Variants in NTM observed in about 807,000 individuals in gnomAD.
NTM encodes the protein IgLON family member 2.
In NTM, 13 loss-of-function variants were observed where a neutral mutation model predicts 42.1. The ratio of observed to expected loss-of-function variants is 0.31; its 90% CI spans 0.20 to 0.49. The LOEUF is 0.49. Ranked by LOEUF, NTM falls within the 20% of genes least tolerant of loss-of-function variation. The pLI is 0.99. For missense variants in NTM, 373 were observed against 452.8 expected (o/e 0.82, Z 1.60); for synonymous variants, 187 against 179.2 (o/e 1.04, Z -0.35).
intron 1 of NTM, among the ~76,000 whole-genome samples, chr11:131,612,174 C>T (rs1396228010): frequency 2.0e-5 from 3 of 152,180 alleles, no homozygotes; most frequent in African/African-American, 4.8e-5. Context: ...TGTACATGGG[C>T]CACCTTGGAA....
rs370585076 is a variant in NTM at position 131,977,072 on chromosome 11, A to G, written c.167+65424A>G. On this transcript the variant is annotated intron_variant, in intron 2 of 8. Coordinates refer to ENST00000683400, the MANE Select transcript of NTM (RefSeq NM_001352005.2). The stretch of plus-strand genomic sequence containing the variant: ...CAGCACCATCCATTGGAAGCTTTCT[A>G]TGCATACATGCATATTGGAAATCAA... 3.9e-5 allele frequency among the ~76,000 whole-genome samples: 6 copies of G among 152,344 alleles called. No individual in the cohort carries two copies. In the South Asian group the frequency reaches 1.2e-3, roughly 32 times the overall value.
At chr11:132,001,801 TACAC>T (rs1484558862) in intron 2 of NTM, among the ~76,000 whole-genome samples, 2 of 138,988 alleles carry the variant, frequency 1.4e-5, no homozygotes, top group African/African-American at 2.7e-5. Context: ...CACACACACA[TACAC>T]ACAATCGGTC....
intron 1 of NTM, among the ~76,000 whole-genome samples, chr11:131,566,917 A>G (rs2056950823): frequency 6.6e-6 from 1 of 152,120 alleles, no homozygotes; most frequent in Non-Finnish European, 1.5e-5. Flanking sequence ...GCCCGGTACT[A>G]CCTTGAACAG....
At chr11:132,261,832 T>A (rs2092876127) in intron 4 of NTM, among the ~76,000 whole-genome samples, 1 of 152,210 alleles carries the variant, frequency 6.6e-6, no homozygotes, top group Non-Finnish European at 1.5e-5. Context: ...ACAGATCATG[T>A]TTGACTAGTC....
In NTM at chr11:132,336,388, T is replaced by TA. The variant is rs542763858; in HGVS notation, c.*1257dup. 1,867 of 124,774 alleles carry TA rather than the reference T, an allele frequency of 0.015. 11 individuals carry two copies. Among genetic ancestry groups the TA allele is most frequent in the Middle Eastern group, 0.025 (6 of 238 alleles). The allele number at this position is 124,774 out of a possible 1,614,324, so 7.7% of individuals were successfully genotyped here. On this transcript the variant is annotated 3_prime_UTR_variant, in exon 9 of 9. Coordinates refer to ENST00000683400, the MANE Select transcript of NTM (RefSeq NM_001352005.2). ...GAGACATTTATAAAAAGTGAAAGGA[T>TA]AAAAAAAAAAAAAAACAACTAATAC...
intron 1 of NTM, among the ~76,000 whole-genome samples, chr11:131,473,345 G>A (rs1408545883): frequency 6.6e-6 from 1 of 152,122 alleles, no homozygotes; most frequent in African/African-American, 2.4e-5. Flanking sequence ...GGTTTCCTAA[G>A]GGAGTCCATG....
chr11:131,573,861 T>G lies in NTM; in HGVS notation c.82+202973T>G, dbSNP rs573940593. On this transcript the variant is annotated intron_variant, in intron 1 of 8. Transcript: ENST00000683400. ...TGCCTGTCCCCACATGGATTTCTTC[T>G]AGGGGGCTGGAGCACTGTCCACCTG... Among the ~76,000 whole-genome samples, 102 of 152,240 alleles carry G rather than the reference T, an allele frequency of 6.7e-4. 1 individual carries two copies. The highest frequency in any genetic ancestry group is 2.4e-3 in the African/African-American group (99 of 41,554).
In NTM at chr11:131,741,162, TGAGAGAGAGA is replaced by T. The variant is rs71067330; in HGVS notation, c.83-170365_83-170356del. On this transcript the variant is annotated intron_variant, in intron 1 of 8. Transcript: ENST00000683400. ...CCTGGGCAACAGAGCAAGACCCCGT[TGAGAGAGAGA>T]GAGAGAGAGAGAGAGAGAGAGAGAG... Among the ~76,000 whole-genome samples, 1,277 of 129,794 alleles carry T rather than the reference TGAGAGAGAGA, an allele frequency of 9.8e-3. 19 individuals are homozygous for T. The highest frequency in any genetic ancestry group is 0.042 in the Middle Eastern group (11 of 260). The allele number at this position is 129,794 out of a possible 152,430, so 85.1% of individuals were successfully genotyped here. A position where few individuals can be genotyped will look rare whatever the true frequency, so the allele number is the denominator to read the frequency against.
chr11:132,300,099 T>A (rs1278992413), intron 4 of NTM, among the ~76,000 whole-genome samples: 4 of 152,034 alleles, frequency 2.6e-5, no homozygotes, highest in Non-Finnish European at 5.9e-5. Context: ...GAGAGTAGAG[T>A]TTTCTAGTTA....
intron 3 of NTM, among the ~76,000 whole-genome samples, chr11:132,184,668 G>A (rs1427282767): frequency 6.6e-6 from 1 of 152,090 alleles, no homozygotes; most frequent in Non-Finnish European, 1.5e-5. Flanking sequence ...ACTAGGATTT[G>A]GGCCACAAAG....
intron 1 of NTM, among the ~76,000 whole-genome samples, chr11:131,491,241 A>G (rs1954753450): frequency 6.6e-6 from 1 of 152,234 alleles, no homozygotes; most frequent in Admixed American, 6.5e-5. Context: ...GCCAGAGTTT[A>G]TACCGAATTA....
chr11:132,077,404 C>T (rs1250936976), intron 2 of NTM, among the ~76,000 whole-genome samples: 8 of 152,142 alleles, frequency 5.3e-5, no homozygotes. Context: ...GAAATTCATG[C>T]CTACAGAATG....
chr11:131,843,783 C>T (rs2044581993), intron 1 of NTM, among the ~76,000 whole-genome samples: 1 of 152,106 alleles, frequency 6.6e-6, no homozygotes, highest in Non-Finnish European at 1.5e-5. Context: ...TGTGGTTGAA[C>T]ATCTTTTTAT....
intron 2 of NTM, among the ~76,000 whole-genome samples, chr11:132,117,835 A>G (rs1466190097): frequency 6.6e-6 from 1 of 152,204 alleles, no homozygotes; most frequent in Non-Finnish European, 1.5e-5. Context: ...TGAGCATTGT[A>G]CAGAATAAAA....
intron 2 of NTM, among the ~76,000 whole-genome samples, chr11:132,040,539 G>A (rs2077047214): frequency 6.6e-6 from 1 of 152,154 alleles, no homozygotes; most frequent in Non-Finnish European, 1.5e-5. Flanking sequence ...AAAAATGTTG[G>A]CAATATTGAT....
intron 2 of NTM, among the ~76,000 whole-genome samples, chr11:132,077,639 T>C (rs920330983): frequency 6.6e-6 from 1 of 152,212 alleles, no homozygotes. Flanking sequence ...GAGGCAAAAT[T>C]CAAGCCCAGA....
At chr11:132,132,688 G>T (rs945956958) in intron 2 of NTM, among the ~76,000 whole-genome samples, 3 of 152,136 alleles carry the variant, frequency 2.0e-5, no homozygotes, top group African/African-American at 4.8e-5. Context: ...ACAGGGTGGG[G>T]TAGAGACCAT....
At chr11:131,949,137 G>A (rs753972345) in intron 2 of NTM, among the ~76,000 whole-genome samples, 17 of 152,194 alleles carry the variant, frequency 1.1e-4, no homozygotes, top group South Asian at 4.1e-4. Context: ...AGGTTCATCC[G>A]TGTCGTCACA....
At chr11:131,683,654 A>G (rs1338768253) in intron 1 of NTM, among the ~76,000 whole-genome samples, 1 of 152,238 alleles carries the variant, frequency 6.6e-6, no homozygotes, top group African/African-American at 2.4e-5. Flanking sequence ...GTGAATAAAA[A>G]ATCCTATCAT....
Sources: gnomAD v4.1 joint callset for allele counts (sites outside exome capture counted in the v4.1 genomes callset) on GRCh38, gnomAD v4.1.1 for gene constraint, MANE v1.5 for transcripts, NCBI Gene and HGNC (gene_info 2026-07-23, HGNC 2026-07-21) for gene names.